PROSER2: variants seen among roughly 807,000 people sequenced by gnomAD.
The protein encoded by PROSER2 is proline and serine rich 2, also known as proline and serine-rich protein 2.
A neutral mutation model predicts 14.6 loss-of-function variants in PROSER2; 18 were observed. The ratio of observed to expected loss-of-function variants is 1.23; its 90% CI spans 0.85 to 1.83. The LOEUF is 1.83. PROSER2 is among the 40% of genes most tolerant of loss of function. The probability of loss-of-function intolerance (pLI) is 0.00; values close to 1 mark genes in which losing one functional copy is unlikely to be tolerated. For missense variants in PROSER2, 823 were observed against 629.8 expected, an observed-to-expected ratio of 1.31 and a Z score of -3.28; for synonymous variants, 367 against 286.4, an observed-to-expected ratio of 1.28 and a Z score of -2.84.
In PROSER2 at chr10:11,869,456, C is replaced by G; in HGVS notation, c.392-34C>G. 1 of 1,527,186 alleles carries G rather than the reference C, an allele frequency of 6.5e-7. No individual in the cohort carries two copies. The highest frequency in any genetic ancestry group is 9.1e-7 in the Non-Finnish European group (1 of 1,101,758). The allele number at this position is 1,527,186 out of a possible 1,614,324, so 94.6% of individuals were successfully genotyped here. A position where few individuals can be genotyped will look rare whatever the true frequency, so the allele number is the denominator to read the frequency against. On this transcript the variant is annotated intron_variant, in intron 3 of 3. Transcript: ENST00000277570. The surrounding 1 kb of genome is among the most constrained non-coding windows in gnomAD (Gnocchi z 4.4). ...CTTCATGCATTTACTTTCACGTGGG[C>G]CGGTGGCTCACAGGCTCCTCCCTTG... is the stretch of plus-strand genomic sequence containing the variant.
intron 1 of PROSER2, among the ~76,000 whole-genome samples, chr10:11,849,166 G>C (rs112635931): frequency 6.6e-6 from 1 of 151,878 alleles, no homozygotes; most frequent in Non-Finnish European, 1.5e-5. Context: ...CAGCCTGGGC[G>C]GCACAGCAAA....
chr10:11,847,110 C>T (rs1833932920), intron 1 of PROSER2, among the ~76,000 whole-genome samples: 1 of 149,900 alleles, frequency 6.7e-6, no homozygotes, highest in Admixed American at 6.7e-5. Flanking sequence ...TGACTAGGCT[C>T]AAGTGTCTCC....
intron 1 of PROSER2, among the ~76,000 whole-genome samples, chr10:11,846,559 T>C (rs1833926356): frequency 6.6e-6 from 1 of 152,168 alleles, no homozygotes; most frequent in Non-Finnish European, 1.5e-5. Flanking sequence ...TCATAAAAAG[T>C]TGTATTTGGT....
intron 1 of PROSER2, among the ~76,000 whole-genome samples, chr10:11,825,376 C>T (rs185018860): frequency 7.9e-5 from 12 of 152,300 alleles, no homozygotes; most frequent in East Asian, 1.9e-4. Flanking sequence ...TTTCCTTTGA[C>T]GGTGAAGGCC....
intron 1 of PROSER2, chr10:11,850,100 T>C (rs1475108111): frequency 6.6e-6 from 1 of 152,208 alleles, no homozygotes; most frequent in Non-Finnish European, 1.5e-5. Flanking sequence ...GTGGCAATAA[T>C]GTAGGCACGT....
intron 3 of PROSER2, among the ~76,000 whole-genome samples, chr10:11,867,042 A>G (rs1343463742): frequency 6.6e-6 from 1 of 152,104 alleles, no homozygotes; most frequent in Non-Finnish European, 1.5e-5. Context: ...AGGCAGGTGG[A>G]TCATGAGGTC....
At position 11,870,575 on chromosome 10, in the gene PROSER2, C is replaced by T. The variant is rs1564317124; in HGVS notation, c.*169C>T. The T allele has an allele frequency of 5.7e-6, 3 of 525,490 alleles. No individual in the cohort carries two copies. In the South Asian group the frequency reaches 1.1e-4, roughly 19 times the overall value. 32.6% of individuals were successfully genotyped at this position (525,490 alleles called of 1,614,324 possible). ...GCCTGGCTGGGGCCTCCTGGCTGAGCACGCACCGCAAGCTCCAGCCACCGG... is the reference window on the plus strand; with the variant it reads ...GCCTGGCTGGGGCCTCCTGGCTGAGTACGCACCGCAAGCTCCAGCCACCGG... On this transcript the variant is annotated 3_prime_UTR_variant, in exon 4 of 4. Coordinates refer to ENST00000277570, the MANE Select transcript of PROSER2 (RefSeq NM_153256.4).
intron 2 of PROSER2, among the ~76,000 whole-genome samples, chr10:11,861,838 G>A (rs1206170561): frequency 6.6e-6 from 1 of 152,178 alleles, no homozygotes; most frequent in African/African-American, 2.4e-5. Flanking sequence ...AGAGAATGGT[G>A]GAAAGTTAAC....
chr10:11,870,141 C>G lies in PROSER2; in HGVS notation c.1043C>G (p.Ala348Gly), dbSNP rs1239596201. Residue 348 changes from alanine to glycine, a missense_variant, in exon 4 of 4, where the codon GCG becomes GGG. Ala to Gly is a moderately conservative substitution (Grantham distance 60, BLOSUM62 0). Transcript: ENST00000277570. ...GPALANGFPS[A>G]HEALKSAPSS... ...GCGCTGGCCAACGGCTTCCCAAGTG[C>G]GCACGAGGCCCTGAAGAGCGCACCC... The G allele has an allele frequency of 7.1e-7, 1 of 1,411,846 alleles. No homozygotes were observed. Among genetic ancestry groups the G allele is most frequent in the Non-Finnish European group, 9.2e-7 (1 of 1,089,446 alleles). 87.5% of individuals were successfully genotyped at this position (1,411,846 alleles called of 1,614,324 possible). A position where few individuals can be genotyped will look rare whatever the true frequency, so the allele number is the denominator to read the frequency against.
chr10:11,869,506 G>T lies in PROSER2; in HGVS notation c.408G>T (p.Gly136=). The T allele has an allele frequency of 6.2e-7, 1 of 1,613,672 alleles. No homozygotes were observed. The highest frequency in any genetic ancestry group is 8.5e-7 in the Non-Finnish European group (1 of 1,179,730). The change falls in exon 4 of 4, where the codon GGG becomes GGT. Residue 136 remains glycine, a synonymous_variant. Coordinates refer to ENST00000277570, the MANE Select transcript of PROSER2 (RefSeq NM_153256.4). This position sits in a 1 kb window ranked among gnomAD's most constrained non-coding sequence, Gnocchi z 4.4. ...GTQAAGPAPA[G]KEHRKQDAET... Reference sequence around the variant, plus strand: ...GTCTTCCAGGGCCTGCACCTGCTGGGAAGGAGCACAGGAAACAAGATGCTG... The same window carrying T: ...GTCTTCCAGGGCCTGCACCTGCTGGTAAGGAGCACAGGAAACAAGATGCTG...
In PROSER2 at chr10:11,865,617, C is replaced by CT. The variant is rs1359788931; in HGVS notation, c.139-908dup. The stretch of plus-strand genomic sequence containing the variant: ...TTGCTGGGGAACCCTTGGGATCAGC[C>CT]TTTTTTGGCTCTTGGATTCCTCGGG... On this transcript the variant is annotated intron_variant, in intron 2 of 3. Coordinates refer to ENST00000277570, the MANE Select transcript of PROSER2 (RefSeq NM_153256.4). This position sits in a 1 kb window ranked among gnomAD's most constrained non-coding sequence, Gnocchi z 4.2. Among the ~76,000 whole-genome samples the CT allele has an allele frequency of 2.6e-5, 4 of 152,166 alleles. No homozygotes were observed. In the South Asian group the frequency reaches 8.3e-4, roughly 32 times the overall value.
intron 1 of PROSER2, among the ~76,000 whole-genome samples, chr10:11,829,658 G>A (rs1235095356): frequency 5.9e-5 from 9 of 151,684 alleles, no homozygotes; most frequent in African/African-American, 7.3e-5. Context: ...ACTTAGAGGC[G>A]CTGTACCGTG....
rs573225606 is a variant in PROSER2 at position 11,829,056 on chromosome 10, G to A, written c.-82+5586G>A. On this transcript the variant is annotated intron_variant, in intron 1 of 3. Coordinates refer to ENST00000277570, the MANE Select transcript of PROSER2 (RefSeq NM_153256.4). Reference sequence around the variant, plus strand: ...GCCGCAAGGGGTTAGCCTTCCAGTCGGGGGCATGGACCAGCGAAGCTTTCT... The same window carrying A: ...GCCGCAAGGGGTTAGCCTTCCAGTCAGGGGCATGGACCAGCGAAGCTTTCT... 9.6e-4 allele frequency among the ~76,000 whole-genome samples: 146 copies of A among 152,038 alleles called. 1 individual carries two copies. The highest frequency in any genetic ancestry group is 1.7e-3 in the Non-Finnish European group (117 of 68,012).
chr10:11,831,468 C>T (rs1327207621), intron 1 of PROSER2, among the ~76,000 whole-genome samples: 1 of 152,156 alleles, frequency 6.6e-6, no homozygotes, highest in Admixed American at 6.6e-5. Context: ...ATAGACATAC[C>T]AGCTGTCCAT....
chr10:11,859,051 C>T (rs1834185018), intron 2 of PROSER2, among the ~76,000 whole-genome samples: 3 of 146,372 alleles, frequency 2.0e-5, no homozygotes, highest in African/African-American at 7.5e-5. Flanking sequence ...GGTTTCCTAG[C>T]CTGTTCTTTT....
intron 2 of PROSER2, among the ~76,000 whole-genome samples, chr10:11,852,493 C>A (rs1834040268): frequency 6.6e-6 from 1 of 151,994 alleles, no homozygotes; most frequent in Non-Finnish European, 1.5e-5. Flanking sequence ...AGAAACCAAC[C>A]CAGGCAGGAG....
In PROSER2 at chr10:11,870,254, C is replaced by G; in HGVS notation, c.1156C>G (p.Pro386Ala). ...GCGGGCCCGTCAGAGCTTCCCCGGG[C>G]CCCGGCAGCCCAACGGCGCCCAGGA... The part of the protein sequence containing the change: ...STRARQSFPG[P>A]RQPNGAQDWR... The change falls in exon 4 of 4, where the codon CCC becomes GCC. Residue 386 changes from proline to alanine, a missense_variant. Pro to Ala is a conservative substitution (Grantham distance 27). Transcript: ENST00000277570. 6.7e-7 allele frequency: 1 copy of G among 1,486,814 alleles called. No individual in the cohort carries two copies. Among genetic ancestry groups the G allele is most frequent in the Non-Finnish European group, 8.9e-7 (1 of 1,126,266 alleles). 92.1% of individuals were successfully genotyped at this position (1,486,814 alleles called of 1,614,324 possible). A position where few individuals can be genotyped will look rare whatever the true frequency, so the allele number is the denominator to read the frequency against.
chr10:11,834,474 C>A (rs1472309383), intron 1 of PROSER2, among the ~76,000 whole-genome samples: 3 of 151,958 alleles, frequency 2.0e-5, no homozygotes, highest in Non-Finnish European at 4.4e-5. Context: ...GTGGCTCATG[C>A]CTGTAATCCC....
chr10:11,833,236 T>TTTTTTC, intron 1 of PROSER2, among the ~76,000 whole-genome samples: 1 of 5,918 alleles, frequency 1.7e-4, no homozygotes, highest in African/African-American at 5.1e-4. Context: ...ATGTTGTGGC[T>TTTTTTC]TTTTTTTTTT....
Sources: allele counts gnomAD v4.1 joint callset (sites outside exome capture counted in the v4.1 genomes callset), GRCh38; gene constraint gnomAD v4.1.1; non-coding constraint Gnocchi (gnomAD v3.1); transcripts MANE v1.5; gene names NCBI Gene and HGNC (gene_info 2026-07-23, HGNC 2026-07-21).